TP63: variants seen among roughly 807,000 people sequenced by gnomAD.
TP63 encodes the protein tumor protein 63.
In TP63, 17 loss-of-function variants were observed where a neutral mutation model predicts 82.8. The ratio of observed to expected loss-of-function variants is 0.21; its 90% CI spans 0.14 to 0.31. The LOEUF is 0.31. Among genes scored for constraint, TP63 ranks in the 10% least tolerant of loss-of-function variants. The pLI, the probability that TP63 is intolerant of heterozygous loss-of-function variation, is 1.00. For missense variants in TP63, 648 were observed against 895.3 expected, an observed-to-expected ratio of 0.72 and a Z score of 3.52; for synonymous variants, 330 against 321.7, an observed-to-expected ratio of 1.03 and a Z score of -0.28.
chr3:189,825,369 G>A (rs1482956705), intron 4 of TP63, among the ~76,000 whole-genome samples: 2 of 152,214 alleles, frequency 1.3e-5, no homozygotes, highest in East Asian at 3.8e-4. Context: ...TCAATATGAA[G>A]TAGATAGAAA....
intron 9 of TP63, 87 bp downstream of exon 9, chr3:189,869,493 T>A: frequency 8.4e-7 from 1 of 1,192,650 alleles, no homozygotes; most frequent in Non-Finnish European, 1.2e-6. Context: ...TCATTATCTG[T>A]GACAATGGGA....
chr3:189,737,664 G>A, intron 1 of TP63, 76 bp from the exon 2 acceptor site: 1 of 1,511,880 alleles, frequency 6.6e-7, no homozygotes. Context: ...TTTCATGATA[G>A]AGTATGCTTT....
intron 3 of TP63, among the ~76,000 whole-genome samples, chr3:189,748,102 G>A (rs772219061): frequency 6.6e-6 from 1 of 151,958 alleles, no homozygotes; most frequent in South Asian, 2.1e-4. Flanking sequence ...ACACTGAATG[G>A]GGAGAAGCTA....
intron 4 of TP63, among the ~76,000 whole-genome samples, chr3:189,840,686 C>T (rs974117314): frequency 1.3e-4 from 19 of 151,304 alleles, no homozygotes; most frequent in Non-Finnish European, 2.2e-4. Flanking sequence ...TGGTGAAACC[C>T]GTGTCTACTA....
intron 10 of TP63, among the ~76,000 whole-genome samples, chr3:189,884,589 G>A (rs1720251003): frequency 6.6e-6 from 1 of 152,188 alleles, no homozygotes; most frequent in Admixed American, 6.6e-5. Flanking sequence ...CAATCATTCA[G>A]AAAATGTACA....
intron 4 of TP63, among the ~76,000 whole-genome samples, chr3:189,833,274 A>T (rs1187479752): frequency 6.6e-6 from 1 of 152,258 alleles, no homozygotes; most frequent in East Asian, 1.9e-4. Flanking sequence ...AAACAGGGTG[A>T]CTGAGTAGGA....
At chr3:189,874,935 G>A (rs1359590863) in intron 10 of TP63, among the ~76,000 whole-genome samples, 1 of 148,110 alleles carries the variant, frequency 6.8e-6, no homozygotes, top group Non-Finnish European at 1.5e-5. Flanking sequence ...ACATCACTAA[G>A]TAATATATCA....
chr3:189,662,135 A>G (rs893678327), intron 1 of TP63, among the ~76,000 whole-genome samples: 2 of 151,864 alleles, frequency 1.3e-5, no homozygotes, highest in Admixed American at 6.6e-5. Flanking sequence ...TTGTTTTTAT[A>G]GTTCCTTTAG....
At chr3:189,639,766 C>G (rs895190149) in intron 1 of TP63, among the ~76,000 whole-genome samples, 1 of 151,916 alleles carries the variant, frequency 6.6e-6, no homozygotes, top group African/African-American at 2.4e-5. Flanking sequence ...GCCATATGGC[C>G]GGCTAGAAAA....
chr3:189,672,551 G>A (rs1172786789), intron 1 of TP63, among the ~76,000 whole-genome samples: 1 of 150,000 alleles, frequency 6.7e-6, no homozygotes, highest in Admixed American at 6.6e-5. Flanking sequence ...ACAGTGAGCC[G>A]AGATCATGCC....
At chr3:189,854,306 C>T (rs940198942) in intron 4 of TP63, among the ~76,000 whole-genome samples, 4 of 152,184 alleles carry the variant, frequency 2.6e-5, no homozygotes, top group African/African-American at 7.2e-5. Flanking sequence ...TCTCAGCTCA[C>T]GGCGACCCCC....
intron 4 of TP63, among the ~76,000 whole-genome samples, chr3:189,862,956 G>A (rs964151797): frequency 1.3e-5 from 2 of 152,128 alleles, no homozygotes; most frequent in Non-Finnish European, 2.9e-5. Context: ...TTGTGTGCTG[G>A]AATACTTGGA....
chr3:189,668,031 G>A (rs781753937), intron 1 of TP63, among the ~76,000 whole-genome samples: 5 of 152,074 alleles, frequency 3.3e-5, no homozygotes, highest in South Asian at 2.1e-4. Context: ...TTATTAAAGC[G>A]TAAAACTCAG....
chr3:189,693,381 C>A lies in TP63; in HGVS notation c.63-44359C>A, dbSNP rs114106843. 6.6e-3 allele frequency among the ~76,000 whole-genome samples: 1,002 copies of A among 152,200 alleles called. 13 individuals carry two copies. Among genetic ancestry groups the A allele is most frequent in the African/African-American group, 0.023 (952 of 41,520 alleles). On this transcript the variant is annotated intron_variant, in intron 1 of 13. Coordinates refer to ENST00000264731, the MANE Select transcript of TP63 (RefSeq NM_003722.5). ...AGACACCCAAGAAAATGTTTTCCCCCAAATACACATTAATTAAAACCAAGG... is the reference window on the plus strand; with the variant it reads ...AGACACCCAAGAAAATGTTTTCCCCAAAATACACATTAATTAAAACCAAGG...
chr3:189,846,400 A>G (rs1714868399), intron 4 of TP63, among the ~76,000 whole-genome samples: 1 of 152,182 alleles, frequency 6.6e-6, no homozygotes. Context: ...TGAAATATTT[A>G]GTTCATGTGG....
chr3:189,859,625 T>G (rs1716754284), intron 4 of TP63, among the ~76,000 whole-genome samples: 1 of 152,288 alleles, frequency 6.6e-6, no homozygotes, highest in Non-Finnish European at 1.5e-5. Context: ...GCACAACCAC[T>G]TTGTAAAACT....
intron 3 of TP63, among the ~76,000 whole-genome samples, chr3:189,741,852 T>C (rs1721009860): frequency 6.6e-6 from 1 of 152,114 alleles, no homozygotes; most frequent in Non-Finnish European, 1.5e-5. Context: ...ATGAACTCCA[T>C]TGGGTTAGTA....
rs139553447 is a variant in TP63, at chr3:189,855,116, C to T, written c.580-9116C>T. On this transcript the variant is annotated intron_variant, in intron 4 of 13. Transcript: ENST00000264731. ...AGGAAAAACTGCATAAAATATATGG[C>T]GGATAGAAAGTGGAGATCCTAAAGT... Among the ~76,000 whole-genome samples the T allele has an allele frequency of 4.4e-4, 67 of 152,082 alleles. 1 individual carries two copies. The East Asian group carries it at 0.011, about 25-fold the overall frequency.
intron 10 of TP63, chr3:189,880,294 CTT>C: frequency 7.4e-7 from 1 of 1,360,010 alleles, no homozygotes; most frequent in Non-Finnish European, 9.5e-7. Context: ...CTTGAAGACA[CTT>C]TGGCTCAGAG....
Sources: allele counts gnomAD v4.1 joint callset (sites outside exome capture counted in the v4.1 genomes callset), GRCh38; gene constraint gnomAD v4.1.1; transcripts MANE v1.5; gene names NCBI Gene and HGNC (gene_info 2026-07-23, HGNC 2026-07-21).